The following ANKHD1 variants were observed in gnomAD, a reference collection of about 807,000 sequenced individuals.
The protein encoded by ANKHD1 is ankyrin repeat and KH domain containing 1, also known as ankyrin repeat and KH domain-containing protein 1.
A neutral mutation model predicts 230.5 loss-of-function variants in ANKHD1; 31 were observed. That is an observed-to-expected ratio of 0.13 (90% CI 0.10 to 0.18). ANKHD1 has a LOEUF of 0.18. Among genes scored for constraint, ANKHD1 ranks in the 10% least tolerant of loss-of-function variants. The pLI, the probability that ANKHD1 is intolerant of heterozygous loss-of-function variation, is 1.00. For synonymous variants in ANKHD1, 1,074 were observed against 1,117.6 expected (o/e 0.96, Z 0.78); for missense variants, 2,256 against 3,071.3 (o/e 0.73, Z 6.27).
chr5:140,511,963 C>T (rs1276653383), intron 22 of ANKHD1, among the ~76,000 whole-genome samples: 1 of 152,118 alleles, frequency 6.6e-6, no homozygotes, highest in African/African-American at 2.4e-5. Context: ...TGGCCGGGTG[C>T]GGTGGCTCAC....
In ANKHD1 at chr5:140,527,991, G is replaced by C; in HGVS notation, c.5206G>C (p.Asp1736His). 6.2e-7 allele frequency: 1 copy of C among 1,613,754 alleles called. No individual in the cohort carries two copies. The highest frequency in any genetic ancestry group is 8.5e-7 in the Non-Finnish European group (1 of 1,179,792). Reference sequence around the variant, plus strand: ...CCATATTGATGTGGATAAACAAAAAGATAAGAATGGCGAGAGAATGATCAC... The same window carrying C: ...CCATATTGATGTGGATAAACAAAAACATAAGAATGGCGAGAGAATGATCAC... Reference protein sequence around the residue: ...GAHIDVDKQKDKNGERMITIR... With the variant: ...GAHIDVDKQKHKNGERMITIR... The change falls in exon 28 of 34, where the codon GAT becomes CAT. Residue 1736 changes from aspartate to histidine, a missense_variant. Transcript: ENST00000360839. The surrounding 1 kb of genome is among the most constrained non-coding windows in gnomAD (Gnocchi z 4.5).
chr5:140,537,292 A>G (rs1754128993), intron 30 of ANKHD1, 97 bp from the exon 31 acceptor site: 3 of 1,486,646 alleles, frequency 2.0e-6, no homozygotes, highest in Non-Finnish European at 2.7e-6. Flanking sequence ...ATATTCTTAT[A>G]GTTTTTTATA....
At chr5:140,452,107 G>A (rs564894242) in intron 7 of ANKHD1, among the ~76,000 whole-genome samples, 57 of 152,228 alleles carry the variant, frequency 3.7e-4, no homozygotes, top group South Asian at 1.0e-3. Context: ...CCACACCCAC[G>A]GAGCCTCCCT....
At position 140,496,595 on chromosome 5, in the gene ANKHD1, C is replaced by A. The variant is rs761333682; in HGVS notation, c.2321C>A (p.Pro774His). 1.1e-5 allele frequency: 17 copies of A among 1,613,026 alleles called. No individual in the cohort carries two copies. Among genetic ancestry groups the A allele is most frequent in the Non-Finnish European group, 1.4e-5 (17 of 1,179,894 alleles). The change falls in exon 15 of 34, where the codon CCT becomes CAT. Residue 774 changes from proline (P) to histidine (H), a missense_variant. Pro to His is a moderately conservative substitution (Grantham distance 77). Around this residue, in one of 13 missense-constraint regions of ANKHD1, gnomAD observed 358 missense variants for 397.7 expected, o/e 0.90. Transcript: ENST00000360839. The stretch of plus-strand genomic sequence containing the variant: ...CTGCCATCTTTTCACCCATACCAGC[C>A]TTTGGAGTGCATAGTAGAGGAGACT... ...DLLPSFHPYQPLECIVEETEG... is the reference protein window; with the variant it reads ...DLLPSFHPYQHLECIVEETEG...
In ANKHD1 at chr5:140,524,203, A is replaced by G. The variant is rs1417779648; in HGVS notation, c.4455A>G (p.Leu1485=). 5.6e-6 allele frequency: 9 copies of G among 1,593,316 alleles called. No homozygotes were observed. The highest frequency in any genetic ancestry group is 5.5e-5 in the African/African-American group (4 of 73,302). Residue 1485 remains leucine, a synonymous_variant, in exon 25 of 34, where the codon CTA becomes CTG. Coordinates refer to ENST00000360839, the MANE Select transcript of ANKHD1 (RefSeq NM_017747.3). ...ACAAACCTAAGGAGAATTCGGAACT[A>G]CCAGAGGATGAAGATGAAGAGGAGA... is the stretch of plus-strand genomic sequence containing the variant. The part of the protein sequence containing the change: ...EENKPKENSE[L]PEDEDEEEND...
chr5:140,533,440 T>C (rs1408014794), intron 29 of ANKHD1, among the ~76,000 whole-genome samples: 1 of 151,558 alleles, frequency 6.6e-6, no homozygotes, highest in Non-Finnish European at 1.5e-5. Flanking sequence ...CTACTAAAAA[T>C]ATAAAAAAAT....
In ANKHD1 at chr5:140,506,663, T is replaced by C. The variant is rs1225388844; in HGVS notation, c.3409-172T>C. 6.6e-6 allele frequency among the ~76,000 whole-genome samples: 1 copy of C among 152,244 alleles called. No homozygotes were observed. The highest frequency in any genetic ancestry group is 1.5e-5 in the Non-Finnish European group (1 of 68,046). On this transcript the variant is annotated intron_variant, in intron 18 of 33. Transcript: ENST00000360839. The surrounding 1 kb of genome is among the most constrained non-coding windows in gnomAD (Gnocchi z 4.7). Reference sequence around the variant, plus strand: ...ATTTCAAAACTCTGAATTCCTGAAATTGAATCCATTTCTCTAGTGTTGATA... The same window carrying C: ...ATTTCAAAACTCTGAATTCCTGAAACTGAATCCATTTCTCTAGTGTTGATA...
chr5:140,457,431 A>G (rs1349783295), intron 7 of ANKHD1, among the ~76,000 whole-genome samples: 3 of 152,226 alleles, frequency 2.0e-5, no homozygotes, highest in Non-Finnish European at 1.5e-5. Context: ...ACTATTCACA[A>G]TAGCAAAGAC....
At chr5:140,449,188 A>AAAT in intron 6 of ANKHD1, 23 bp from the exon 7 acceptor site, 1 of 1,583,908 alleles carries the variant, frequency 6.3e-7, no homozygotes, top group Non-Finnish European at 8.6e-7. Context: ...AATTCTTTTA[A>AAAT]AATTTTTGTT....
Position 140,537,423 on chromosome 5 carries a change from A to G in ANKHD1, c.7062A>G (p.Lys2354=). 6.2e-7 allele frequency: 1 copy of G among 1,614,160 alleles called. No individual in the cohort carries two copies. Among genetic ancestry groups the G allele is most frequent in the Non-Finnish European group, 8.5e-7 (1 of 1,180,004 alleles). The change falls in exon 31 of 34, where the codon AAA becomes AAG. Residue 2354 remains lysine, a synonymous_variant. Transcript: ENST00000360839. ...CCCCACCAACGTTGGGCCAACCAAA[A>G]GGAGTCAGTGCCAGTCAAGATCGAA... ...TSAPPTLGQP[K]GVSASQDRKI... is the part of the protein sequence containing the mutation.
At chr5:140,472,568 T>G in intron 10 of ANKHD1, 1 of 682,894 alleles carries the variant, frequency 1.5e-6, no homozygotes, top group Non-Finnish European at 2.0e-6. Flanking sequence ...TTCTTTTACA[T>G]TCTCCTTTAT....
intron 29 of ANKHD1, among the ~76,000 whole-genome samples, chr5:140,530,618 G>A (rs1172644251): frequency 6.6e-6 from 1 of 152,214 alleles, no homozygotes; most frequent in African/African-American, 2.4e-5. Flanking sequence ...ATTAGCTGCC[G>A]AGGCATTATG....
At chr5:140,478,347 G>T (rs1289919767) in intron 10 of ANKHD1, among the ~76,000 whole-genome samples, 4 of 150,462 alleles carry the variant, frequency 2.7e-5, no homozygotes, top group Non-Finnish European at 5.9e-5. Flanking sequence ...AGCAAGCAAG[G>T]CTTTTCTTTC....
chr5:140,487,997 C>A (rs1369048315), intron 14 of ANKHD1, among the ~76,000 whole-genome samples: 1 of 152,134 alleles, frequency 6.6e-6, no homozygotes, highest in Admixed American at 6.6e-5. Context: ...TTTACCAGGG[C>A]TAAACTATTA....
At chr5:140,439,378 C>T (rs2126918182) in intron 3 of ANKHD1, among the ~76,000 whole-genome samples, 2 of 152,180 alleles carry the variant, frequency 1.3e-5, no homozygotes, top group Middle Eastern at 3.4e-3. Context: ...ACATAAAATA[C>T]AAACACTAGA....
intron 11 of ANKHD1, among the ~76,000 whole-genome samples, chr5:140,483,345 A>G (rs1039099433): frequency 6.6e-6 from 1 of 152,144 alleles, no homozygotes; most frequent in Non-Finnish European, 1.5e-5. Flanking sequence ...TCAAAATACA[A>G]GGAAGATTCT....
At chr5:140,459,400 A>C in intron 9 of ANKHD1, 45 bp downstream of exon 9, 1 of 1,493,936 alleles carries the variant, frequency 6.7e-7, no homozygotes, top group South Asian at 1.4e-5. Context: ...GACAAATACA[A>C]ATAATAGTTT....
In ANKHD1 at chr5:140,440,179, T is replaced by A; in HGVS notation, c.678T>A (p.Asp226Glu). 1 of 1,613,420 alleles carries A rather than the reference T, an allele frequency of 6.2e-7. No individual in the cohort carries two copies. Among genetic ancestry groups the A allele is most frequent in the Non-Finnish European group, 8.5e-7 (1 of 1,179,610 alleles). The change falls in exon 4 of 34, where the codon GAT becomes GAA. Residue 226 changes from aspartate (D) to glutamate (E), a missense_variant. Asp to Glu is a conservative substitution (Grantham distance 45). Transcript: ENST00000360839. ...TTAATGCTGTTCGTAAATTGCTAGA[T>A]GAAGGCAGAAGTGTAAATGAACATA... ...GDVNAVRKLL[D>E]EGRSVNEHTE...
rs188572500 is a variant in ANKHD1, at chr5:140,472,444, A to G, written c.1782+7668A>G. The G allele has an allele frequency of 2.1e-4, 283 of 1,357,046 alleles. No individual in the cohort carries two copies. In the African/African-American group the frequency reaches 3.4e-3, roughly 16 times the overall value. 84.1% of individuals were successfully genotyped at this position (1,357,046 alleles called of 1,614,324 possible). On this transcript the variant is annotated intron_variant, in intron 10 of 33. Transcript: ENST00000360839. Reference sequence around the variant, plus strand: ...TCCTCTTCAATTGAAAAAGATTATGAAGTCCCAATAAAAAGAGATTTGTAT... The same window carrying G: ...TCCTCTTCAATTGAAAAAGATTATGGAGTCCCAATAAAAAGAGATTTGTAT...
Sources: gnomAD v4.1 joint callset for allele counts (sites outside exome capture counted in the v4.1 genomes callset) on GRCh38, gnomAD v4.1.1 for gene constraint, gnomAD v4.1.1 regional missense constraint, Gnocchi (gnomAD v3.1) non-coding constraint, MANE v1.5 for transcripts, NCBI Gene and HGNC (gene_info 2026-07-23, HGNC 2026-07-21) for gene names.